LRBA: variants seen among roughly 807,000 people sequenced by gnomAD.
LRBA encodes lipopolysaccharide-responsive and beige-like anchor protein.
A neutral mutation model predicts 330.0 loss-of-function variants in LRBA; 176 were observed. The ratio of observed to expected loss-of-function variants is 0.53; its 90% confidence interval spans 0.47 to 0.60. LRBA has a LOEUF of 0.60. LRBA is among the 20% of genes least tolerant of loss of function. The pLI is 0.00. For synonymous variants in LRBA, 1,230 were observed against 1,193.0 expected (o/e 1.03, Z -0.64); for missense variants, 3,259 against 3,444.8 (o/e 0.95, Z 1.35).
intron 40 of LRBA, among the ~76,000 whole-genome samples, chr4:150,573,244 T>G (rs1271756093): frequency 1.3e-5 from 2 of 152,166 alleles, no homozygotes; most frequent in Admixed American, 6.5e-5. Context: ...GTGTTATCAG[T>G]AGGGGCAAGC....
Position 150,298,485 on chromosome 4 carries a change from A to C in LRBA, c.8017+4140T>G, listed in dbSNP as rs76930340. Among the ~76,000 whole-genome samples the C allele has an allele frequency of 6.6e-3, 1,004 of 152,216 alleles. 8 individuals carry two copies. Among genetic ancestry groups the C allele is most frequent in the Non-Finnish European group, 0.01 (713 of 67,968 alleles). ...ACAGTAGGATTTACGGTAATGACTT[A>C]AGTGATTGATGAGCGTATAACAAAA... On this transcript the variant is annotated intron_variant, in intron 53 of 56. Transcript: ENST00000651943.
At chr4:150,529,838 G>A (rs774967674) in intron 40 of LRBA, among the ~76,000 whole-genome samples, 3 of 151,912 alleles carry the variant, frequency 2.0e-5, no homozygotes, top group Non-Finnish European at 4.4e-5. Flanking sequence ...AAATAAAGTA[G>A]AGAGAATATA....
chr4:150,888,180 A>C (rs1257630170), intron 17 of LRBA, among the ~76,000 whole-genome samples: 1 of 152,200 alleles, frequency 6.6e-6, no homozygotes, highest in Non-Finnish European at 1.5e-5. Flanking sequence ...TTACAAACAC[A>C]GAATTCTACA....
At chr4:150,993,652 A>G (rs1336724937) in intron 2 of LRBA, among the ~76,000 whole-genome samples, 1 of 152,242 alleles carries the variant, frequency 6.6e-6, no homozygotes, top group Non-Finnish European at 1.5e-5. Context: ...CATGGAGGGA[A>G]GCAAAAGGCA....
At chr4:150,448,523 C>T (rs369196497) in intron 44 of LRBA, among the ~76,000 whole-genome samples, 7 of 152,014 alleles carry the variant, frequency 4.6e-5, no homozygotes, top group Admixed American at 6.6e-5. Flanking sequence ...AGAAGAAGGC[C>T]GGGCGTGGCG....
chr4:150,831,738 A>G, intron 29 of LRBA, 79 bp downstream of exon 29: 1 of 1,110,760 alleles, frequency 9.0e-7, no homozygotes, highest in Non-Finnish European at 1.3e-6. Context: ...TTTAAATTCC[A>G]ATATCAATAT....
rs559512113 is a variant in LRBA, at chr4:150,661,078, TAAAAAA to T, written c.5921+22467_5921+22472del. ...AAGAATTATCAATAAAAAAATAAAT[TAAAAAA>T]AAAAAAAAAAAAAAAAGTTTCCAAA... On this transcript the variant is annotated intron_variant, in intron 37 of 56. Coordinates refer to ENST00000651943, the MANE Select transcript of LRBA (RefSeq NM_001364905.1). 1.1e-4 allele frequency among the ~76,000 whole-genome samples: 11 copies of T among 102,592 alleles called. No homozygotes were observed. The East Asian group carries it at 1.3e-3, about 12-fold the overall frequency. 67.3% of individuals were successfully genotyped at this position (102,592 alleles called of 152,430 possible). A position where few individuals can be genotyped will look rare whatever the true frequency, so the allele number is the denominator to read the frequency against.
chr4:150,565,850 C>T (rs1561361600), intron 40 of LRBA, among the ~76,000 whole-genome samples: 2 of 152,070 alleles, frequency 1.3e-5, no homozygotes, highest in South Asian at 2.1e-4. Context: ...CCCCTAAAAG[C>T]TAACTACTAT....
At chr4:150,850,177 G>T (rs6825077) in intron 24 of LRBA, among the ~76,000 whole-genome samples, 132,230 of 151,210 alleles carry the variant, frequency 0.87, 58,349 homozygotes, top group Non-Finnish European at 0.95. Context: ...CACTGCAAGC[G>T]CCACCTCCCG....
intron 52 of LRBA, among the ~76,000 whole-genome samples, chr4:150,303,952 C>A (rs1730022743): frequency 6.6e-6 from 1 of 152,200 alleles, no homozygotes; most frequent in African/African-American, 2.4e-5. Context: ...AATTAAATAG[C>A]TGTGACAGAC....
chr4:150,878,739 AG>A (rs1728033112), intron 17 of LRBA, among the ~76,000 whole-genome samples: 1 of 152,170 alleles, frequency 6.6e-6, no homozygotes, highest in Non-Finnish European at 1.5e-5. Context: ...GAAAATCTAT[AG>A]GAAATGGATA....
Position 150,462,753 on chromosome 4 carries a change from C to T in LRBA, c.6780+4920G>A, listed in dbSNP as rs971714175. ...TCAGGCAATATTATCCACTTAAGAA[C>T]GGAGATAAGATCTGTTTGTATTCTA... On this transcript the variant is annotated intron_variant, in intron 44 of 56. Coordinates refer to ENST00000651943, the MANE Select transcript of LRBA (RefSeq NM_001364905.1). Among the ~76,000 whole-genome samples, 11 of 151,830 alleles carry T rather than the reference C, an allele frequency of 7.2e-5. No homozygotes were observed. The South Asian group carries it at 1.5e-3, about 20-fold the overall frequency.
intron 26 of LRBA, among the ~76,000 whole-genome samples, chr4:150,848,436 A>G (rs897990836): frequency 2.6e-5 from 4 of 152,072 alleles, no homozygotes; most frequent in African/African-American, 7.2e-5. Context: ...CTTTAGAGCA[A>G]AAAGAGATAG....
At chr4:150,443,202 G>A (rs1383881058) in intron 44 of LRBA, among the ~76,000 whole-genome samples, 1 of 152,130 alleles carries the variant, frequency 6.6e-6, no homozygotes. Flanking sequence ...TCTAACTGCT[G>A]TGCTGCAGAG....
chr4:150,539,988 T>G (rs981466791), intron 40 of LRBA, among the ~76,000 whole-genome samples: 1 of 152,250 alleles, frequency 6.6e-6, no homozygotes, highest in African/African-American at 2.4e-5. Flanking sequence ...GTATTTTATT[T>G]TTTAATTTTT....
At chr4:150,375,622 A>ATTTTT (rs5862917) in intron 47 of LRBA, among the ~76,000 whole-genome samples, 6 of 143,436 alleles carry the variant, frequency 4.2e-5, no homozygotes, top group East Asian at 4.1e-4. Flanking sequence ...CCACACCTGT[A>ATTTTT]TTTTTTTTTT....
chr4:150,955,855 G>C (rs1221573029), intron 2 of LRBA, among the ~76,000 whole-genome samples: 2 of 148,200 alleles, frequency 1.3e-5, no homozygotes, highest in Non-Finnish European at 2.9e-5. Flanking sequence ...TTGTGCCACT[G>C]CACTCCAGCC....
chr4:150,338,164 C>A (rs1245720053), intron 48 of LRBA, among the ~76,000 whole-genome samples: 3 of 152,214 alleles, frequency 2.0e-5, no homozygotes, highest in Non-Finnish European at 4.4e-5. Flanking sequence ...TGACACTAAA[C>A]ACAACTTAGG....
intron 40 of LRBA, among the ~76,000 whole-genome samples, chr4:150,528,500 CAA>C (rs5862924): frequency 1.8e-3 from 249 of 135,856 alleles, no homozygotes; most frequent in East Asian, 6.2e-3. Context: ...GACTTCATCT[CAA>C]AAAAAAAAAA....
Sources: allele counts gnomAD v4.1 joint callset (sites outside exome capture counted in the v4.1 genomes callset), GRCh38; gene constraint gnomAD v4.1.1; transcripts MANE v1.5; gene names NCBI Gene and HGNC (gene_info 2026-07-23, HGNC 2026-07-21).